Variants in KCNH1 observed in about 807,000 individuals in gnomAD.
The protein encoded by KCNH1 is voltage-gated delayed rectifier potassium channel KCNH1.
A neutral mutation model predicts 69.2 loss-of-function variants in KCNH1; 27 were observed. The observed-to-expected ratio is 0.39, with a 90% CI of 0.29 to 0.54. The LOEUF (loss-of-function observed/expected upper bound fraction) is 0.54, where lower values mean the gene tolerates loss of function less well. KCNH1 is among the 20% of genes least tolerant of loss of function. The probability of loss-of-function intolerance (pLI) is 0.68; values close to 1 mark genes in which losing one functional copy is unlikely to be tolerated. For synonymous variants in KCNH1, 456 were observed against 487.7 expected, an observed-to-expected ratio of 0.93 and a Z score of 0.86; for missense variants, 798 against 1,261.6, an observed-to-expected ratio of 0.63 and a Z score of 5.57.
rs75816760 is a variant in KCNH1, at chr1:210,806,072, G to C, written c.1463-1906C>G. On this transcript the variant is annotated intron_variant, in intron 7 of 10. Coordinates refer to ENST00000271751, the MANE Select transcript of KCNH1 (RefSeq NM_172362.3). ...GTGAACATATTTTCAATTCTTTTGT[G>C]TATATACCTAGGAGTGAAATTGCTG... 7.8e-3 allele frequency among the ~76,000 whole-genome samples: 1,191 copies of C among 152,276 alleles called. 23 individuals carry two copies. Among genetic ancestry groups the C allele is most frequent in the African/African-American group, 0.028 (1,163 of 41,548 alleles).
Position 210,680,237 on chromosome 1 carries a change from C to A in KCNH1, c.*3044G>T, listed in dbSNP as rs1371555617. ...CAGCAGCCAAGTGACAGGGACAGGACCTACCCTCTTCAAAGCAGCCTGTCA... is the reference window on the plus strand; with the variant it reads ...CAGCAGCCAAGTGACAGGGACAGGAACTACCCTCTTCAAAGCAGCCTGTCA... On this transcript the variant is annotated 3_prime_UTR_variant, in exon 11 of 11. Transcript: ENST00000271751. 1 of 152,180 alleles carries A rather than the reference C, an allele frequency of 6.6e-6. No individual in the cohort carries two copies. Among genetic ancestry groups the A allele is most frequent in the African/African-American group, 2.4e-5 (1 of 41,390 alleles). 9.4% of individuals were successfully genotyped at this position (152,180 alleles called of 1,614,324 possible).
Position 211,032,667 on chromosome 1 carries a change from G to C in KCNH1, c.559-13411C>G, listed in dbSNP as rs190924567. 8.6e-4 allele frequency among the ~76,000 whole-genome samples: 131 copies of C among 152,116 alleles called. 1 individual carries two copies. The highest frequency in any genetic ancestry group is 2.2e-3 in the Admixed American group (33 of 15,282). On this transcript the variant is annotated intron_variant, in intron 5 of 10. Transcript: ENST00000271751. Reference sequence around the variant, plus strand: ...ACAAAAACAAGAAATGGGGAAAGGAGTCCCTATTTAATAAATGGTGCTGGG... The same window carrying C: ...ACAAAAACAAGAAATGGGGAAAGGACTCCCTATTTAATAAATGGTGCTGGG...
At chr1:211,115,446 A>G (rs1691553499) in intron 1 of KCNH1, among the ~76,000 whole-genome samples, 1 of 151,990 alleles carries the variant, frequency 6.6e-6, no homozygotes, top group Admixed American at 6.6e-5. Flanking sequence ...GGGAAGGCAG[A>G]CCCACCCTTA....
At chr1:210,995,869 C>T (rs1689022873) in intron 6 of KCNH1, among the ~76,000 whole-genome samples, 1 of 152,072 alleles carries the variant, frequency 6.6e-6, no homozygotes, top group Non-Finnish European at 1.5e-5. Flanking sequence ...ATCTATAATC[C>T]AAGTGTAAGT....
chr1:210,845,341 C>T (rs1685515919), intron 7 of KCNH1, among the ~76,000 whole-genome samples: 1 of 152,154 alleles, frequency 6.6e-6, no homozygotes, highest in African/African-American at 2.4e-5. Flanking sequence ...AAAATACTGG[C>T]AAACCAAATC....
intron 10 of KCNH1, among the ~76,000 whole-genome samples, chr1:210,768,798 C>T (rs574821279): frequency 1.2e-4 from 18 of 152,186 alleles, no homozygotes; most frequent in African/African-American, 4.1e-4. Context: ...GCATGGAGCA[C>T]TTTTATTATC....
intron 6 of KCNH1, among the ~76,000 whole-genome samples, chr1:210,989,934 A>C (rs1355620745): frequency 6.6e-6 from 1 of 152,152 alleles, no homozygotes; most frequent in Non-Finnish European, 1.5e-5. Flanking sequence ...AGTCCCTACT[A>C]TTTCTTCTGT....
intron 10 of KCNH1, among the ~76,000 whole-genome samples, chr1:210,720,695 G>A (rs1444505796): frequency 1.3e-5 from 2 of 152,124 alleles, no homozygotes; most frequent in Non-Finnish European, 2.9e-5. Context: ...TCATATAGTG[G>A]CATCATCACA....
chr1:211,042,174 C>T (rs1690007337), intron 5 of KCNH1, among the ~76,000 whole-genome samples: 1 of 152,216 alleles, frequency 6.6e-6, no homozygotes, highest in Non-Finnish European at 1.5e-5. Context: ...TAAGTGTCAT[C>T]TCCTTATAGA....
intron 6 of KCNH1, among the ~76,000 whole-genome samples, chr1:210,998,215 G>C (rs901844694): frequency 6.6e-6 from 1 of 152,142 alleles, no homozygotes; most frequent in African/African-American, 2.4e-5. Context: ...ACACAGACTG[G>C]CAAATTGGAC....
At chr1:210,935,317 G>T (rs115068334) in intron 6 of KCNH1, among the ~76,000 whole-genome samples, 119 of 152,134 alleles carry the variant, frequency 7.8e-4, no homozygotes, top group African/African-American at 2.6e-3. Flanking sequence ...AGATAAAAAG[G>T]TTTCTCATAG....
intron 7 of KCNH1, among the ~76,000 whole-genome samples, chr1:210,910,990 C>T (rs373309340): frequency 1.3e-5 from 2 of 152,126 alleles, no homozygotes; most frequent in Admixed American, 6.5e-5. Flanking sequence ...TCCAGCTGCA[C>T]GTGGTTTTCC....
intron 10 of KCNH1, among the ~76,000 whole-genome samples, chr1:210,715,517 CAAA>C (rs71821345): frequency 7.7e-6 from 1 of 129,752 alleles, no homozygotes; most frequent in African/African-American, 2.9e-5. Flanking sequence ...AAAAATTAAA[CAAA>C]AAAAAAAAAA....
intron 6 of KCNH1, among the ~76,000 whole-genome samples, chr1:210,941,263 C>T (rs1687870761): frequency 6.6e-6 from 1 of 152,100 alleles, no homozygotes; most frequent in African/African-American, 2.4e-5. Context: ...GCACACATTC[C>T]CCCCACAAAC....
At chr1:210,822,587 C>G (rs1012672369) in intron 7 of KCNH1, among the ~76,000 whole-genome samples, 11 of 152,114 alleles carry the variant, frequency 7.2e-5, no homozygotes, top group Admixed American at 5.9e-4. Flanking sequence ...CTTAAAATTC[C>G]TAACAATTTT....
In KCNH1 at chr1:210,998,223, G is replaced by C. The variant is rs189033798; in HGVS notation, c.1032+20560C>G. ...TTAAAAGACACAGACTGGCAAATTGGACAAAGAGTCAAGACCTATCAGTGT... is the reference window on the plus strand; with the variant it reads ...TTAAAAGACACAGACTGGCAAATTGCACAAAGAGTCAAGACCTATCAGTGT... On this transcript the variant is annotated intron_variant, in intron 6 of 10. Coordinates refer to ENST00000271751, the MANE Select transcript of KCNH1 (RefSeq NM_172362.3). 2.2e-3 allele frequency among the ~76,000 whole-genome samples: 341 copies of C among 152,268 alleles called. 1 individual carries two copies. The highest frequency in any genetic ancestry group is 3.3e-3 in the Non-Finnish European group (224 of 68,012).
intron 6 of KCNH1, among the ~76,000 whole-genome samples, chr1:210,931,846 A>AG (rs1285100692): frequency 6.6e-6 from 1 of 151,706 alleles, no homozygotes; most frequent in African/African-American, 2.4e-5. Context: ...ACGAAATAAA[A>AG]AAAAAAACAA....
chr1:210,925,936 A>G (rs976519206), intron 6 of KCNH1, among the ~76,000 whole-genome samples: 5 of 152,206 alleles, frequency 3.3e-5, no homozygotes, highest in Non-Finnish European at 5.9e-5. Flanking sequence ...TGAAAGTGCC[A>G]TCTCCTGGCT....
chr1:211,019,262 C>T lies in KCNH1; in HGVS notation c.559-6G>A, dbSNP rs770358662. 3.8e-6 allele frequency: 6 copies of T among 1,570,658 alleles called. No homozygotes were observed. The East Asian group carries it at 1.1e-4, about 29-fold the overall frequency. ...TCTGAGCCCAGCTGTAGGACCTGTA[C>T]AGAAAAACATGACCAAGAGAGAACT... On this transcript the variant is annotated splice_polypyrimidine_tract_variant and splice_region_variant and intron_variant, in intron 5 of 10. Transcript: ENST00000271751.
Sources: gnomAD v4.1 joint callset for allele counts (sites outside exome capture counted in the v4.1 genomes callset) on GRCh38, gnomAD v4.1.1 for gene constraint, MANE v1.5 for transcripts, NCBI Gene and HGNC (gene_info 2026-07-23, HGNC 2026-07-21) for gene names.